Variants in KRT1 observed in about 807,000 individuals in gnomAD.
The protein encoded by KRT1 is keratin, type II cytoskeletal 1.
In KRT1, 28 loss-of-function variants were observed where a neutral mutation model predicts 51.6. That is an observed-to-expected ratio of 0.54 (90% CI 0.40 to 0.74). KRT1 has a LOEUF of 0.74. KRT1 is among the 30% of genes least tolerant of loss of function. The pLI, the probability that KRT1 is intolerant of heterozygous loss-of-function variation, is 0.00. For missense variants in KRT1, 783 were observed against 815.5 expected, an observed-to-expected ratio of 0.96 and a Z score of 0.49; for synonymous variants, 301 against 307.7, an observed-to-expected ratio of 0.98 and a Z score of 0.23.
chr12:52,677,461 G>C lies in KRT1; in HGVS notation c.983C>G (p.Thr328Ser). The change falls in exon 5 of 9, where the codon ACT becomes AGT. Residue 328 changes from threonine to serine, a missense_variant. Physicochemically the swap from Thr to Ser is moderately conservative, Grantham distance 58. Transcript: ENST00000252244. ...LYQAELSQMQ[T>S]QISETNVILS... is the part of the protein sequence containing the mutation. ...GATGACATTAGTTTCACTGATTTGA[G>C]TCTGCATCTGAGACAACTCCTGCAA... The C allele has an allele frequency of 6.2e-7, 1 of 1,614,192 alleles. No homozygotes were observed. Among genetic ancestry groups the C allele is most frequent in the African/African-American group, 1.3e-5 (1 of 75,038 alleles).
intron 1 of KRT1, among the ~76,000 whole-genome samples, chr12:52,679,213 T>A (rs1430013903): frequency 6.6e-6 from 1 of 151,988 alleles, no homozygotes; most frequent in Non-Finnish European, 1.5e-5. Flanking sequence ...TTTATCTGAG[T>A]TTTTTAGAGC....
Position 52,675,071 on chromosome 12 carries a change from A to G in KRT1, c.*122T>C. On this transcript the variant is annotated 3_prime_UTR_variant, in exon 9 of 9. Transcript: ENST00000252244. ...AAGAGCTGGGGGAATAGGATGAGCT[A>G]GTGTAACTAACCATAGCTCTTTTCT... 8.1e-7 allele frequency: 1 copy of G among 1,231,104 alleles called. No individual in the cohort carries two copies. Among genetic ancestry groups the G allele is most frequent in the South Asian group, 1.2e-5 (1 of 82,778 alleles). 76.3% of individuals were successfully genotyped at this position (1,231,104 alleles called of 1,614,324 possible).
intron 1 of KRT1, among the ~76,000 whole-genome samples, 178 bp from the exon 2 acceptor site, chr12:52,678,934 G>A (rs1941547671): frequency 6.6e-6 from 1 of 152,196 alleles, no homozygotes; most frequent in African/African-American, 2.4e-5. Context: ...TTAATTCAGA[G>A]AGGGCTTGGA....
chr12:52,678,322 TTATGAACCTAGG>T (rs1941540347), intron 2 of KRT1, 99 bp from the exon 3 acceptor site: 1 of 1,246,338 alleles, frequency 8.0e-7, no homozygotes, highest in Admixed American at 1.8e-5. Flanking sequence ...TGCCTTTCTA[TTATGAACCTAGG>T]ACATATTGGC....
At position 52,675,300 on chromosome 12, in the gene KRT1, C is replaced by T; in HGVS notation, c.1828G>A (p.Gly610Arg). The change falls in exon 9 of 9, where the codon GGA (glycine) becomes AGA (arginine). Residue 610 changes from glycine (G) to arginine (R), a missense_variant. By Grantham distance (125) the Gly-to-Arg change is moderately radical (BLOSUM62 -2). Transcript: ENST00000252244. ...GATCCCCGGCCTCCTATGGAGCCTCCAGAGCTCCCGCCGCCAGAGCCCCGG... is the reference window on the plus strand; with the variant it reads ...GATCCCCGGCCTCCTATGGAGCCTCTAGAGCTCCCGCCGCCAGAGCCCCGG... ...GGRGSGGGSS[G>R]GSIGGRGSSS... 3 of 1,613,064 alleles carry T rather than the reference C, an allele frequency of 1.9e-6. No individual in the cohort carries two copies. Among genetic ancestry groups the T allele is most frequent in the Non-Finnish European group, 2.5e-6 (3 of 1,179,900 alleles).
Position 52,677,764 on chromosome 12 carries a change from T to A in KRT1, c.868-19A>T. 1 of 1,605,096 alleles carries A rather than the reference T, an allele frequency of 6.2e-7. No homozygotes were observed. ...CCACATCCTAGAGGAACAAGGGACATCATGAAGGCACATTCTCTCCAGGGC... is the reference window on the plus strand; with the variant it reads ...CCACATCCTAGAGGAACAAGGGACAACATGAAGGCACATTCTCTCCAGGGC... On this transcript the variant is annotated intron_variant, in intron 3 of 8. Coordinates refer to ENST00000252244, the MANE Select transcript of KRT1 (RefSeq NM_006121.4).
intron 5 of KRT1, 54 bp downstream of exon 5, chr12:52,677,262 G>A (rs748587731): frequency 1.9e-6 from 3 of 1,614,022 alleles, no homozygotes; most frequent in East Asian, 2.2e-5. Context: ...AGATAACACA[G>A]GATAGCAAGA....
Position 52,679,633 on chromosome 12 carries a change from T to C in KRT1, c.591+125A>G. 5 of 871,540 alleles carry C rather than the reference T, an allele frequency of 5.7e-6. No homozygotes were observed. The South Asian group carries it at 7.1e-5, about 12-fold the overall frequency. The allele number at this position is 871,540 out of a possible 1,614,324, so 54.0% of individuals were successfully genotyped here. On this transcript the variant is annotated intron_variant, in intron 1 of 8. Coordinates refer to ENST00000252244, the MANE Select transcript of KRT1 (RefSeq NM_006121.4). ...TCTAACATATCTCCTAGGAGACCAT[T>C]CCACAAAACATCCTTTTAATCATGT...
chr12:52,676,735 G>A (rs527639285), intron 6 of KRT1, among the ~76,000 whole-genome samples: 1 of 152,190 alleles, frequency 6.6e-6, no homozygotes, highest in East Asian at 1.9e-4. Context: ...TTACAGACTT[G>A]ACATTCTTCT....
chr12:52,677,190 G>A lies in KRT1; in HGVS notation c.1129-6C>T. The stretch of plus-strand genomic sequence containing the variant: ...GTGATCTGCAGCTCTTCATACTAAA[G>A]ATGGTAGATAGCGTTTGTTAAATGT... On this transcript the variant is annotated splice_region_variant and splice_polypyrimidine_tract_variant and intron_variant, in intron 5 of 8. Coordinates refer to ENST00000252244, the MANE Select transcript of KRT1 (RefSeq NM_006121.4). 6.2e-7 allele frequency: 1 copy of A among 1,614,196 alleles called. No individual in the cohort carries two copies. The highest frequency in any genetic ancestry group is 8.5e-7 in the Non-Finnish European group (1 of 1,180,044).
At position 52,677,405 on chromosome 12, in the gene KRT1, G is replaced by A. The variant is rs1267199467; in HGVS notation, c.1039C>T (p.Leu347=). 1 of 1,614,098 alleles carries A rather than the reference G, an allele frequency of 6.2e-7. No individual in the cohort carries two copies. The change falls in exon 5 of 9, where the codon CTG becomes TTG. Residue 347 remains leucine, a synonymous_variant. Coordinates refer to ENST00000252244, the MANE Select transcript of KRT1 (RefSeq NM_006121.4). ...LSMDNNRSLD[L]DSIIAEVKAQ... ...TTGACCTCAGCAATGATGCTGTCCA[G>A]GTCGAGACTGCGGTTGTTGTCCATA...
intron 5 of KRT1, 31 bp downstream of exon 5, chr12:52,677,285 G>A (rs372130756): frequency 4.3e-6 from 7 of 1,614,192 alleles, no homozygotes; most frequent in South Asian, 1.1e-5. Flanking sequence ...AGCCATTTCA[G>A]GGAAACTGGC....
chr12:52,678,859 C>T, intron 1 of KRT1, 103 bp from the exon 2 acceptor site: 2 of 990,728 alleles, frequency 2.0e-6, no homozygotes, highest in South Asian at 1.4e-5. Flanking sequence ...TATCTTCTGA[C>T]CATGACAGAG....
chr12:52,676,637 A>G (rs886531160), intron 6 of KRT1, 142 bp from the exon 7 acceptor site: 2 of 789,650 alleles, frequency 2.5e-6, no homozygotes, highest in African/African-American at 1.7e-5. Context: ...CCACCTCCAG[A>G]TAACACATCA....
chr12:52,679,823 C>A lies in KRT1; in HGVS notation c.526G>T (p.Val176Leu). 6.2e-7 allele frequency: 1 copy of A among 1,614,172 alleles called. No homozygotes were observed. Among genetic ancestry groups the A allele is most frequent in the Non-Finnish European group, 8.5e-7 (1 of 1,180,030 alleles). The stretch of plus-strand genomic sequence containing the variant: ...ATTTGCTCCCTTTCTCGAGACTTCA[C>A]CTTTTGGATCTCAGGGTCAATCTCC... ...NVEIDPEIQK[V>L]KSREREQIKS... is the part of the protein sequence containing the mutation. Residue 176 changes from valine to leucine, a missense_variant, in exon 1 of 9, where the codon GTG (valine) becomes TTG (leucine). Physicochemically the swap from Val to Leu is conservative, Grantham distance 32. Coordinates refer to ENST00000252244, the MANE Select transcript of KRT1 (RefSeq NM_006121.4).
intron 3 of KRT1, 145 bp downstream of exon 3, chr12:52,678,018 T>C (rs995950859): frequency 8.8e-6 from 7 of 798,136 alleles, no homozygotes; most frequent in Admixed American, 2.0e-5. Context: ...AGGTCCATGA[T>C]GATGTGAAAA....
In KRT1 at chr12:52,678,522, G is replaced by T. The variant is rs1223865983; in HGVS notation, c.806+20C>A. ...TCTTTTACAGCAAAAGTTAAGAACT[G>T]CCCAGACAGGGTCCCTTACTTGTTC... On this transcript the variant is annotated intron_variant, in intron 2 of 8. Transcript: ENST00000252244. 1.9e-5 allele frequency: 31 copies of T among 1,611,374 alleles called. 1 individual carries two copies. Among genetic ancestry groups the T allele is most frequent in the Non-Finnish European group, 2.5e-5 (29 of 1,177,598 alleles).
At position 52,677,967 on chromosome 12, in the gene KRT1, G is replaced by A. The variant is rs1034236863; in HGVS notation, c.867+196C>T. The stretch of plus-strand genomic sequence containing the variant: ...TCTGCCACTCCACTTACTATGTAAG[G>A]TGCTGGGAAATATGGAGAAGCCAAG... On this transcript the variant is annotated intron_variant, in intron 3 of 8. Transcript: ENST00000252244. Among the ~76,000 whole-genome samples, 214 of 152,116 alleles carry A rather than the reference G, an allele frequency of 1.4e-3. 1 individual carries two copies. Among genetic ancestry groups the A allele is most frequent in the African/African-American group, 5.0e-3 (208 of 41,398 alleles).
At position 52,677,369 on chromosome 12, in the gene KRT1, C is replaced by G. The variant is rs765763232; in HGVS notation, c.1075G>C (p.Glu359Gln). ...SIIAEVKAQYEDIAQKSKAEA... is the reference protein window; with the variant it reads ...SIIAEVKAQYQDIAQKSKAEA... The stretch of plus-strand genomic sequence containing the variant: ...GCTTTGCTCTTCTGGGCTATATCCT[C>G]GTACTGGGCCTTGACCTCAGCAATG... The change falls in exon 5 of 9, where the codon GAG becomes CAG. Residue 359 changes from glutamate (E) to glutamine (Q), a missense_variant. Physicochemically the swap from Glu to Gln is conservative, Grantham distance 29. Transcript: ENST00000252244. 1 of 1,614,216 alleles carries G rather than the reference C, an allele frequency of 6.2e-7. No individual in the cohort carries two copies. The highest frequency in any genetic ancestry group is 1.7e-5 in the Admixed American group (1 of 60,030).
Sources: gnomAD v4.1 joint callset for allele counts (sites outside exome capture counted in the v4.1 genomes callset) on GRCh38, gnomAD v4.1.1 for gene constraint, MANE v1.5 for transcripts, NCBI Gene and HGNC (gene_info 2026-07-23, HGNC 2026-07-21) for gene names.